GALNT13: variants seen among roughly 807,000 people sequenced by gnomAD.
The protein encoded by GALNT13 is UDP-GalNAc:polypeptide N-acetylgalactosaminyltransferase 13.
Under a neutral mutation model 64.2 loss-of-function variants are expected in GALNT13, and 28 were observed. The observed-to-expected ratio is 0.44, with a 90% CI of 0.32 to 0.60. GALNT13 has a LOEUF of 0.60. Among genes scored for constraint, GALNT13 ranks in the 20% least tolerant of loss-of-function variants. The probability of loss-of-function intolerance (pLI) is 0.05; values close to 1 mark genes in which losing one functional copy is unlikely to be tolerated. For missense variants in GALNT13, 577 were observed against 669.8 expected (o/e 0.86, Z 1.53); for synonymous variants, 214 against 224.6 (o/e 0.95, Z 0.42).
intron 2 of GALNT13, among the ~76,000 whole-genome samples, chr2:153,932,356 T>A (rs1690589559): frequency 6.6e-6 from 1 of 151,942 alleles, no homozygotes; most frequent in South Asian, 2.1e-4. Flanking sequence ...CTTGTTTTAC[T>A]CGTTCCTTTA....
At chr2:153,156,382 A>G in the GALNT13 span, among the ~76,000 whole-genome samples, 2 of 152,170 alleles carry the variant, frequency 1.3e-5, no homozygotes. Flanking sequence ...TCATTTATAT[A>G]TTTTAAATAC....
intron 4 of GALNT13, among the ~76,000 whole-genome samples, chr2:154,227,509 T>C (rs1443088834): frequency 8.8e-6 from 1 of 113,602 alleles, no homozygotes; most frequent in African/African-American, 3.5e-5. Context: ...GGCCCCAGAG[T>C]GTGATGTTCC....
chr2:153,249,693 A>G, the GALNT13 span, among the ~76,000 whole-genome samples: 1 of 152,208 alleles, frequency 6.6e-6, no homozygotes, highest in African/African-American at 2.4e-5. Flanking sequence ...AGACCAATGG[A>G]ACAGAACAGA....
chr2:154,121,736 A>AT (rs138543042), intron 3 of GALNT13, among the ~76,000 whole-genome samples: 13,021 of 149,898 alleles, frequency 0.087, 1,501 homozygotes, highest in East Asian at 0.62. Context: ...GGTTTCGGGA[A>AT]TTTTTTTTTT....
Position 154,242,091 on chromosome 2 carries a change from A to G in GALNT13, c.373A>G (p.Asn125Asp). 1 of 1,612,376 alleles carries G rather than the reference A, an allele frequency of 6.2e-7. No individual in the cohort carries two copies. Among genetic ancestry groups the G allele is most frequent in the Non-Finnish European group, 8.5e-7 (1 of 1,178,744 alleles). The change falls in exon 5 of 13, where the codon AAT (asparagine) becomes GAT (aspartate). Residue 125 changes from asparagine to aspartate, a missense_variant. Coordinates refer to ENST00000392825, the MANE Select transcript of GALNT13 (RefSeq NM_052917.4). ...CACAAGTGTAGTCATTGTGTTTCAT[A>G]ATGAAGCTTGGAGCACTCTCCTTAG... ...PNTSVVIVFHNEAWSTLLRTV... is the reference protein window; with the variant it reads ...PNTSVVIVFHDEAWSTLLRTV...
chr2:153,708,763 A>T, the GALNT13 span, among the ~76,000 whole-genome samples: 2 of 152,306 alleles, frequency 1.3e-5, no homozygotes, highest in African/African-American at 4.8e-5. Flanking sequence ...ATAGTAATTA[A>T]AACAGCATGG....
the GALNT13 span, among the ~76,000 whole-genome samples, chr2:153,263,499 T>C: frequency 6.6e-6 from 1 of 151,952 alleles, no homozygotes; most frequent in Non-Finnish European, 1.5e-5. Context: ...AGAGAATCAA[T>C]AGCAAAAAGA....
the GALNT13 span, among the ~76,000 whole-genome samples, chr2:153,069,360 G>A: frequency 9.9e-5 from 15 of 152,162 alleles, no homozygotes; most frequent in South Asian, 4.2e-4. Context: ...CCTCTCGCAC[G>A]CCATCTTACC....
rs376420861 is a variant in GALNT13, at chr2:153,906,931, C to T, written c.-105+5924C>T. Among the ~76,000 whole-genome samples, 50 of 150,608 alleles carry T rather than the reference C, an allele frequency of 3.3e-4. 1 individual carries two copies. The highest frequency in any genetic ancestry group is 1.2e-3 in the African/African-American group (48 of 41,000). On this transcript the variant is annotated intron_variant, in intron 2 of 12. Coordinates refer to ENST00000392825, the MANE Select transcript of GALNT13 (RefSeq NM_052917.4). ...TGTTGTTTCCTGACTTTTTAATGAT[C>T]GCCATTCTAACTGGTGTGAGATGGT... is the stretch of plus-strand genomic sequence containing the variant.
chr2:154,123,420 T>A (rs1290618834), intron 3 of GALNT13, among the ~76,000 whole-genome samples: 1 of 152,000 alleles, frequency 6.6e-6, no homozygotes, highest in Non-Finnish European at 1.5e-5. Flanking sequence ...GGGATCAAGA[T>A]GACAAAATAG....
At chr2:153,517,745 A>G in the GALNT13 span, among the ~76,000 whole-genome samples, 8 of 152,198 alleles carry the variant, frequency 5.3e-5, no homozygotes, top group Admixed American at 2.6e-4. Flanking sequence ...ACATCATAGT[A>G]ACACATATTG....
At chr2:153,421,197 G>T in the GALNT13 span, 2 of 188,722 alleles carry the variant, frequency 1.1e-5, no homozygotes, top group South Asian at 2.2e-4. Context: ...GGGCATATGT[G>T]ACCAAAGAGA....
chr2:153,430,032 G>A, the GALNT13 span, among the ~76,000 whole-genome samples: 2 of 152,162 alleles, frequency 1.3e-5, no homozygotes, highest in African/African-American at 4.8e-5. Flanking sequence ...ACTGCAAATG[G>A]GAACTACAAT....
chr2:153,234,128 G>T, the GALNT13 span, among the ~76,000 whole-genome samples: 1 of 152,116 alleles, frequency 6.6e-6, no homozygotes, highest in East Asian at 1.9e-4. Flanking sequence ...TGATGTCATT[G>T]ATTAAATTGC....
At chr2:154,395,060 G>C (rs1157400347) in intron 9 of GALNT13, among the ~76,000 whole-genome samples, 2 of 152,156 alleles carry the variant, frequency 1.3e-5, no homozygotes, top group Admixed American at 6.6e-5. Context: ...ACTTGGTTGG[G>C]ATAGAATATC....
chr2:153,188,455 G>A, the GALNT13 span, among the ~76,000 whole-genome samples: 1 of 150,422 alleles, frequency 6.6e-6, no homozygotes, highest in Non-Finnish European at 1.5e-5. Flanking sequence ...TTAAAATTCA[G>A]TGTTAGTGTA....
chr2:154,051,888 T>C (rs1409347616), intron 3 of GALNT13, among the ~76,000 whole-genome samples: 1 of 152,228 alleles, frequency 6.6e-6, no homozygotes, highest in Non-Finnish European at 1.5e-5. Flanking sequence ...CTCTGAGCTT[T>C]CCAATGTATA....
chr2:153,106,047 G>A, the GALNT13 span, among the ~76,000 whole-genome samples: 14 of 151,966 alleles, frequency 9.2e-5, no homozygotes, highest in Admixed American at 2.6e-4. Context: ...TTTCTGTGTT[G>A]TGCACACCCG....
the GALNT13 span, among the ~76,000 whole-genome samples, chr2:153,394,034 G>C: frequency 6.6e-6 from 1 of 150,774 alleles, no homozygotes; most frequent in African/African-American, 2.4e-5. Context: ...GACTAATATA[G>C]GCCACGTGAC....
Sources: allele counts gnomAD v4.1 joint callset (sites outside exome capture counted in the v4.1 genomes callset), GRCh38; gene constraint gnomAD v4.1.1; transcripts MANE v1.5; gene names NCBI Gene and HGNC (gene_info 2026-07-23, HGNC 2026-07-21).